The following ACTR3C variants were observed in gnomAD, a reference collection of about 807,000 sequenced individuals.
ACTR3C encodes the protein actin related protein 3C, also known as actin-related protein 3C.
A neutral mutation model predicts 26.3 loss-of-function variants in ACTR3C; 18 were observed. The observed-to-expected ratio is 0.68, with a 90% CI of 0.47 to 1.01. ACTR3C has a LOEUF of 1.01. Among genes scored for constraint, ACTR3C ranks in the 50% least tolerant of loss-of-function variants. ACTR3C has a pLI of 0.00. For synonymous variants in ACTR3C, 55 were observed against 94.5 expected (o/e 0.58, Z 2.42); for missense variants, 184 against 250.7 (o/e 0.73, Z 1.80).
the ACTR3C span, among the ~76,000 whole-genome samples, chr7:149,989,151 T>TA: frequency 1.3e-5 from 2 of 152,016 alleles, no homozygotes; most frequent in East Asian, 1.9e-4. Context: ...CATGTTCATT[T>TA]AAAAAAAATG....
the ACTR3C span, among the ~76,000 whole-genome samples, chr7:149,917,136 C>T: frequency 4.6e-5 from 7 of 150,992 alleles, no homozygotes; most frequent in African/African-American, 1.2e-4. Context: ...AGTGCAATGG[C>T]GCGATCTTGG....
chr7:150,071,234 C>T, the ACTR3C span, among the ~76,000 whole-genome samples: 1 of 152,202 alleles, frequency 6.6e-6, no homozygotes, highest in African/African-American at 2.4e-5. Context: ...TGCCATTCTC[C>T]TGCCTCAGCC....
At chr7:150,024,104 C>T in the ACTR3C span, among the ~76,000 whole-genome samples, 1 of 150,934 alleles carries the variant, frequency 6.6e-6, no homozygotes, top group East Asian at 2.0e-4. Context: ...CAGTCACGAT[C>T]CCAGCGTCAC....
chr7:149,924,182 C>T, the ACTR3C span, among the ~76,000 whole-genome samples: 5 of 150,226 alleles, frequency 3.3e-5, no homozygotes, highest in Non-Finnish European at 7.4e-5. Context: ...TTGAGACCAG[C>T]CTGGCCAACA....
chr7:150,015,500 G>A, the ACTR3C span, among the ~76,000 whole-genome samples: 1 of 152,130 alleles, frequency 6.6e-6, no homozygotes, highest in African/African-American at 2.4e-5. Flanking sequence ...GTCAAGAGCT[G>A]TCCCTTTCTA....
At chr7:149,902,934 T>TAAA in the ACTR3C span, among the ~76,000 whole-genome samples, 1 of 16,050 alleles carries the variant, frequency 6.2e-5, no homozygotes, top group Admixed American at 1.4e-3. Flanking sequence ...GTACAGTGTC[T>TAAA]CAAAAAAAAA....
At chr7:149,972,417 C>G in the ACTR3C span, among the ~76,000 whole-genome samples, 2 of 152,228 alleles carry the variant, frequency 1.3e-5, no homozygotes, top group African/African-American at 4.8e-5. Context: ...AACTCCCTGT[C>G]CACGTTCCCA....
chr7:150,006,252 A>G, the ACTR3C span, among the ~76,000 whole-genome samples: 1 of 134,120 alleles, frequency 7.5e-6, no homozygotes, highest in Non-Finnish European at 1.6e-5. Flanking sequence ...GCTGGAGTGC[A>G]GTGGCGCAAT....
At chr7:150,134,652 G>A in the ACTR3C span, among the ~76,000 whole-genome samples, 13 of 152,278 alleles carry the variant, frequency 8.5e-5, no homozygotes, top group Non-Finnish European at 1.5e-4. Flanking sequence ...GCTTTTCGAC[G>A]CCACCAGAGG....
the ACTR3C span, among the ~76,000 whole-genome samples, chr7:150,122,659 C>G: frequency 1.3e-5 from 2 of 152,164 alleles, no homozygotes; most frequent in African/African-American, 4.8e-5. Flanking sequence ...ATTAGTTCAA[C>G]CATTGTGGAA....
the ACTR3C span, among the ~76,000 whole-genome samples, chr7:150,131,860 G>C: frequency 6.6e-6 from 1 of 152,230 alleles, no homozygotes; most frequent in South Asian, 2.1e-4. Flanking sequence ...TACACCCAAT[G>C]GGATGGCTCA....
the ACTR3C span, among the ~76,000 whole-genome samples, chr7:149,908,093 C>T: frequency 1.3e-5 from 2 of 151,794 alleles, no homozygotes; most frequent in Non-Finnish European, 2.9e-5. Flanking sequence ...GAAAGAGACA[C>T]CAGCGAGGTC....
the ACTR3C span, among the ~76,000 whole-genome samples, chr7:150,180,810 A>G: frequency 6.7e-6 from 1 of 149,244 alleles, no homozygotes; most frequent in East Asian, 1.9e-4. Context: ...GTGCCTGGCC[A>G]GTAGTATACC....
At chr7:149,972,542 G>A in the ACTR3C span, among the ~76,000 whole-genome samples, 249 of 152,158 alleles carry the variant, frequency 1.6e-3, no homozygotes, top group Middle Eastern at 0.01. Flanking sequence ...CCAGCCTCTG[G>A]AGATGCAGTG....
intron 4 of ACTR3C, 119 bp downstream of exon 4, chr7:150,289,331 C>T: frequency 2.1e-6 from 3 of 1,417,266 alleles, no homozygotes; most frequent in Non-Finnish European, 2.8e-6. Context: ...AATCAAGCCC[C>T]ACACTCATGG....
the ACTR3C span, among the ~76,000 whole-genome samples, chr7:150,003,370 G>GC: frequency 6.4e-3 from 1 of 156 alleles, no homozygotes; most frequent in Admixed American, 0.033. Flanking sequence ...TGTGTGCTGT[G>GC]TGTGTGATGT....
the ACTR3C span, among the ~76,000 whole-genome samples, chr7:150,108,038 T>C: frequency 5.9e-4 from 89 of 151,266 alleles, 1 homozygote; most frequent in Non-Finnish European, 9.1e-4. Context: ...GAACATCTGA[T>C]AGCCTGGAAT....
At chr7:149,933,273 A>G in the ACTR3C span, among the ~76,000 whole-genome samples, 2 of 151,562 alleles carry the variant, frequency 1.3e-5, no homozygotes, top group Non-Finnish European at 2.9e-5. Context: ...CACCATCCCC[A>G]TAGGAAAAAT....
the ACTR3C span, among the ~76,000 whole-genome samples, chr7:150,199,017 T>C: frequency 7.0e-6 from 1 of 142,144 alleles, no homozygotes; most frequent in Admixed American, 6.7e-5. Context: ...AGCCGCCCCG[T>C]CCGGGAGGTG....
Sources: gnomAD v4.1 joint callset for allele counts (sites outside exome capture counted in the v4.1 genomes callset) on GRCh38, gnomAD v4.1.1 for gene constraint, MANE v1.5 for transcripts, NCBI Gene and HGNC (gene_info 2026-07-23, HGNC 2026-07-21) for gene names.